ATIC: variants seen among roughly 807,000 people sequenced by gnomAD.
ATIC encodes bifunctional purine biosynthesis protein ATIC.
In ATIC, 64 loss-of-function variants were observed where a neutral mutation model predicts 72.5. The ratio of observed to expected loss-of-function variants is 0.88; its 90% CI spans 0.72 to 1.09. The LOEUF (loss-of-function observed/expected upper bound fraction) is 1.09. ATIC is among the 50% of genes least tolerant of loss of function. The pLI is 0.00. For missense variants in ATIC, 787 were observed against 732.4 expected (o/e 1.07, Z -0.86); for synonymous variants, 281 against 267.1 (o/e 1.05, Z -0.51).
the ATIC span, chr2:215,368,059 G>T: frequency 6.2e-7 from 1 of 1,610,814 alleles, no homozygotes; most frequent in South Asian, 1.1e-5. Context: ...AGCAAAAAGA[G>T]ACATCTTATT....
chr2:215,318,383 C>A (rs766717765), intron 3 of ATIC, 150 bp downstream of exon 3: 1 of 772,444 alleles, frequency 1.3e-6, no homozygotes, highest in Non-Finnish European at 2.2e-6. Flanking sequence ...TTTCATAATA[C>A]GTTAGAACTG....
chr2:215,349,041 A>G, intron 14 of ATIC, 53 bp from the exon 15 acceptor site: 1 of 1,596,764 alleles, frequency 6.3e-7, no homozygotes, highest in South Asian at 1.1e-5. Context: ...TGCACCACAT[A>G]GAACTAAAGA....
Position 215,332,401 on chromosome 2 carries a change from A to G in ATIC, c.708A>G (p.Gly236=), listed in dbSNP as rs756581030. 28 of 1,614,012 alleles carry G rather than the reference A, an allele frequency of 1.7e-5. No individual in the cohort carries two copies. The highest frequency in any genetic ancestry group is 2.2e-5 in the East Asian group (1 of 44,876). Residue 236 remains glycine, a synonymous_variant, in exon 8 of 16, where the codon GGA becomes GGG. Transcript: ENST00000236959. ...ATTTAGTTCTAAATGGAGCCCCTGG[A>G]TTTATAAACTTGTGCGATGCTTTGA... The part of the protein sequence containing the change: ...LPITVLNGAP[G]FINLCDALNA...
At chr2:215,316,389 G>A (rs1385545281) in intron 2 of ATIC, among the ~76,000 whole-genome samples, 1 of 152,118 alleles carries the variant, frequency 6.6e-6, no homozygotes, top group African/African-American at 2.4e-5. Flanking sequence ...CCCCTTAACA[G>A]GAGAATCTAC....
chr2:215,349,232 G>A lies in ATIC; in HGVS notation c.1642G>A (p.Val548Ile), dbSNP rs1263931699. 8.1e-6 allele frequency: 13 copies of A among 1,614,154 alleles called. No homozygotes were observed. In the East Asian group the frequency reaches 1.1e-4, roughly 14 times the overall value. Residue 548 changes from valine to isoleucine, a missense_variant, in exon 15 of 16, where the codon GTA becomes ATA. Coordinates refer to ENST00000236959, the MANE Select transcript of ATIC (RefSeq NM_004044.7). ...SDAFFPFRDN[V>I]DRAKRSGVAY... The stretch of plus-strand genomic sequence containing the variant: ...TGCCTTCTTCCCTTTCCGAGATAAC[G>A]TAGACAGAGCTAAAAGGGTAAGTAT...
intron 5 of ATIC, 78 bp downstream of exon 5, chr2:215,325,407 A>G: frequency 9.3e-7 from 1 of 1,077,100 alleles, no homozygotes; most frequent in Non-Finnish European, 1.4e-6. Flanking sequence ...TTTGAATTTT[A>G]TTACTGAGGA....
At chr2:215,326,463 A>AGTGTG (rs2052827431) in intron 6 of ATIC, among the ~76,000 whole-genome samples, 2 of 151,466 alleles carry the variant, frequency 1.3e-5, no homozygotes, top group Admixed American at 6.6e-5. Context: ...AAATTAGCCG[A>AGTGTG]GTGTGGTGTG....
chr2:215,339,665 T>C (rs6740572), intron 12 of ATIC, among the ~76,000 whole-genome samples: 152,122 of 152,176 alleles, frequency 1, 76,034 homozygotes, highest in Middle Eastern at 1. Flanking sequence ...GACAGAGTCT[T>C]GCTCTGTCAC....
rs765766705 is a variant in ATIC at position 215,333,437 on chromosome 2, C to T, written c.902C>T (p.Ala301Val). 1.4e-5 allele frequency: 22 copies of T among 1,613,680 alleles called. No homozygotes were observed. Among genetic ancestry groups the T allele is most frequent in the South Asian group, 4.4e-5 (4 of 91,074 alleles). Residue 301 changes from alanine to valine, a missense_variant, in exon 9 of 16, where the codon GCG becomes GTG. Transcript: ENST00000236959. ...DLYKTLTPIS[A>V]AYARARGADR... The stretch of plus-strand genomic sequence containing the variant: ...TATAAAACCCTCACACCCATCTCAG[C>T]GGCATATGCAAGAGCAAGAGGTCAG...
chr2:215,339,882 C>T (rs2053000183), intron 12 of ATIC, among the ~76,000 whole-genome samples: 2 of 152,214 alleles, frequency 1.3e-5, no homozygotes, highest in African/African-American at 4.8e-5. Context: ...GTGATCTGCC[C>T]ACCTCAGCCT....
chr2:215,365,707 G>A, the ATIC span: 15 of 1,375,014 alleles, frequency 1.1e-5, no homozygotes, highest in South Asian at 1.2e-5. Flanking sequence ...GAACTGGGAC[G>A]TGTCACAGGG....
chr2:215,322,947 G>T (rs1157287197), intron 4 of ATIC, among the ~76,000 whole-genome samples: 4 of 151,790 alleles, frequency 2.6e-5, no homozygotes, highest in Non-Finnish European at 5.9e-5. Context: ...TGTTTGTTTT[G>T]TTTTGTTTTG....
chr2:215,319,338 A>C lies in ATIC; in HGVS notation c.224-327A>C, dbSNP rs1288965658. On this transcript the variant is annotated intron_variant, in intron 3 of 15. Transcript: ENST00000236959. ...GAGAACCGCTTGAGCCCAGGAGTTT[A>C]AGATCACCCTGGGCAAGATGGCAAC... Among the ~76,000 whole-genome samples the C allele has an allele frequency of 6.6e-5, 10 of 152,170 alleles. No individual in the cohort carries two copies. In the South Asian group the frequency reaches 1.0e-3, roughly 16 times the overall value.
At chr2:215,341,003 A>C (rs755627911) in intron 12 of ATIC, among the ~76,000 whole-genome samples, 2 of 152,228 alleles carry the variant, frequency 1.3e-5, no homozygotes, top group Non-Finnish European at 1.5e-5. Flanking sequence ...TTGCTGTAAC[A>C]GAAGGAGATG....
At chr2:215,322,048 C>A (rs2052773200) in intron 4 of ATIC, among the ~76,000 whole-genome samples, 1 of 151,792 alleles carries the variant, frequency 6.6e-6, no homozygotes, top group Admixed American at 6.6e-5. Flanking sequence ...TTACAGGTGC[C>A]CGCCACCACA....
At chr2:215,312,460 G>C (rs1479063793) in intron 1 of ATIC, 38 bp from the exon 2 acceptor site, 1 of 1,614,236 alleles carries the variant, frequency 6.2e-7, no homozygotes, top group Non-Finnish European at 8.5e-7. Context: ...ACAGTGCAAT[G>C]TGCTGCGAAT....
the ATIC span, chr2:215,365,511 C>A: frequency 6.2e-7 from 1 of 1,614,046 alleles, no homozygotes; most frequent in Non-Finnish European, 8.5e-7. Context: ...ATACGAGGGT[C>A]ACACTTGAAT....
intron 3 of ATIC, among the ~76,000 whole-genome samples, chr2:215,318,724 A>C (rs928053543): frequency 6.6e-6 from 1 of 152,212 alleles, no homozygotes; most frequent in Non-Finnish European, 1.5e-5. Flanking sequence ...AATAAAGCTG[A>C]ATGGCTACAG....
At chr2:215,322,391 G>T (rs1471203444) in intron 4 of ATIC, among the ~76,000 whole-genome samples, 2 of 148,766 alleles carry the variant, frequency 1.3e-5, no homozygotes, top group African/African-American at 5.0e-5. Context: ...GTGCAGTGGC[G>T]TGATCTCGGC....
Sources: allele counts gnomAD v4.1 joint callset (sites outside exome capture counted in the v4.1 genomes callset), GRCh38; gene constraint gnomAD v4.1.1; transcripts MANE v1.5; gene names NCBI Gene and HGNC (gene_info 2026-07-23, HGNC 2026-07-21).